The following PDGFC variants were observed in gnomAD, a reference collection of about 807,000 sequenced individuals.
PDGFC encodes the protein platelet derived growth factor C.
Under a neutral mutation model 35.5 loss-of-function variants are expected in PDGFC, and 12 were observed. The ratio of observed to expected loss-of-function variants is 0.34; its 90% confidence interval spans 0.22 to 0.55. The LOEUF is 0.55. Ranked by LOEUF, PDGFC falls within the 20% of genes least tolerant of loss-of-function variation. The pLI is 0.91. For synonymous variants in PDGFC, 159 were observed against 148.8 expected, an observed-to-expected ratio of 1.07 and a Z score of -0.50; for missense variants, 322 against 412.4, an observed-to-expected ratio of 0.78 and a Z score of 1.90.
chr4:156,877,317 G>A (rs1225255876), intron 1 of PDGFC, among the ~76,000 whole-genome samples: 2 of 151,956 alleles, frequency 1.3e-5, no homozygotes, highest in Non-Finnish European at 2.9e-5. Flanking sequence ...ACTGTCAATT[G>A]TAATCACCTT....
intron 1 of PDGFC, among the ~76,000 whole-genome samples, chr4:156,850,801 T>C (rs1445510180): frequency 6.9e-6 from 1 of 144,710 alleles, no homozygotes; most frequent in East Asian, 2.0e-4. Context: ...TTTTAAAAAA[T>C]ACAAATAATG....
intron 3 of PDGFC, among the ~76,000 whole-genome samples, chr4:156,781,900 T>C (rs985667678): frequency 1.3e-5 from 2 of 152,196 alleles, no homozygotes; most frequent in African/African-American, 4.8e-5. Context: ...CACATTTTTA[T>C]TATATATTTA....
At chr4:156,819,289 T>A (rs1055165236) in intron 2 of PDGFC, among the ~76,000 whole-genome samples, 3 of 137,952 alleles carry the variant, frequency 2.2e-5, no homozygotes, top group African/African-American at 8.1e-5. Context: ...AACAGTCTTC[T>A]ATTGGAAGAA....
chr4:156,810,211 AT>A (rs1731894166), intron 3 of PDGFC, among the ~76,000 whole-genome samples: 1 of 151,844 alleles, frequency 6.6e-6, no homozygotes, highest in Non-Finnish European at 1.5e-5. Context: ...AAATTTAAAA[AT>A]ATTAAAGTAT....
chr4:156,812,587 G>C (rs772286483), intron 2 of PDGFC, among the ~76,000 whole-genome samples: 1 of 151,850 alleles, frequency 6.6e-6, no homozygotes, highest in African/African-American at 2.4e-5. Context: ...TACATTTTAC[G>C]TAACATTAAA....
chr4:156,885,183 A>G (rs929571958), intron 1 of PDGFC, among the ~76,000 whole-genome samples: 2 of 151,584 alleles, frequency 1.3e-5, no homozygotes, highest in Non-Finnish European at 2.9e-5. Flanking sequence ...ACACACACAC[A>G]CTTTACCTAA....
At chr4:156,828,599 C>T (rs185027226) in intron 2 of PDGFC, among the ~76,000 whole-genome samples, 15 of 152,042 alleles carry the variant, frequency 9.9e-5, no homozygotes, top group Admixed American at 9.8e-4. Context: ...TGTGTGTATA[C>T]ATATGTATAT....
At chr4:156,954,400 C>G (rs1732155295) in intron 1 of PDGFC, among the ~76,000 whole-genome samples, 1 of 151,814 alleles carries the variant, frequency 6.6e-6, no homozygotes, top group African/African-American at 2.4e-5. Context: ...TTGTCAATCT[C>G]AAAACCTCAA....
intron 2 of PDGFC, among the ~76,000 whole-genome samples, chr4:156,816,513 T>C (rs1451595482): frequency 6.6e-6 from 1 of 152,162 alleles, no homozygotes; most frequent in Admixed American, 6.5e-5. Flanking sequence ...GTGATTCCTA[T>C]GTGACAGACA....
intron 1 of PDGFC, among the ~76,000 whole-genome samples, chr4:156,945,091 C>A (rs1731906106): frequency 6.6e-6 from 1 of 151,762 alleles, no homozygotes; most frequent in Non-Finnish European, 1.5e-5. Context: ...CAGCACTGAC[C>A]ATTTTCTATC....
At chr4:156,796,329 C>T (rs1191088991) in intron 3 of PDGFC, among the ~76,000 whole-genome samples, 2 of 151,580 alleles carry the variant, frequency 1.3e-5, no homozygotes, top group African/African-American at 4.8e-5. Flanking sequence ...TTTAGTACCC[C>T]CATAGTGTTT....
intron 1 of PDGFC, among the ~76,000 whole-genome samples, chr4:156,853,357 T>C (rs1729498640): frequency 6.6e-6 from 1 of 152,174 alleles, no homozygotes; most frequent in Non-Finnish European, 1.5e-5. Context: ...TGACTAAGGT[T>C]AAAGGACAAC....
intron 4 of PDGFC, 114 bp downstream of exon 4, chr4:156,772,572 G>T: frequency 1.6e-6 from 1 of 632,340 alleles, no homozygotes; most frequent in Non-Finnish European, 2.8e-6. Flanking sequence ...AAAATGTATT[G>T]AATATATCAC....
At chr4:156,951,886 G>T (rs1023110787) in intron 1 of PDGFC, among the ~76,000 whole-genome samples, 12 of 151,692 alleles carry the variant, frequency 7.9e-5, no homozygotes, top group Admixed American at 7.2e-4. Context: ...AATTTTAGAA[G>T]TAAAGAAAGT....
At chr4:156,785,377 CTTTGTAT>C (rs1173029754) in intron 3 of PDGFC, among the ~76,000 whole-genome samples, 2 of 152,026 alleles carry the variant, frequency 1.3e-5, no homozygotes, top group Non-Finnish European at 2.9e-5. Flanking sequence ...AATTTTTGCA[CTTTGTAT>C]TTTGTATTTT....
intron 1 of PDGFC, chr4:156,861,487 T>A: frequency 8.1e-7 from 1 of 1,229,886 alleles, no homozygotes; most frequent in South Asian, 1.3e-5. Context: ...ATATAGTTCC[T>A]ACCTGCCAGT....
intron 5 of PDGFC, among the ~76,000 whole-genome samples, chr4:156,764,874 A>G (rs1192725564): frequency 6.6e-6 from 1 of 152,156 alleles, no homozygotes; most frequent in Non-Finnish European, 1.5e-5. Context: ...ATAAATTGCA[A>G]TATTGGCATA....
At position 156,884,992 on chromosome 4, in the gene PDGFC, T is replaced by C. The variant is rs73856776; in HGVS notation, c.119-34576A>G. Among the ~76,000 whole-genome samples the C allele has an allele frequency of 7.8e-3, 1,182 of 152,300 alleles. 9 individuals are homozygous for C. The highest frequency in any genetic ancestry group is 0.027 in the African/African-American group (1,108 of 41,564). On this transcript the variant is annotated intron_variant, in intron 1 of 5. Coordinates refer to ENST00000502773, the MANE Select transcript of PDGFC (RefSeq NM_016205.3). The stretch of plus-strand genomic sequence containing the variant: ...AATATAAACTCAATTATTACATAGG[T>C]AAATTCCCTACTTTTGCCCTTTAGC...
intron 2 of PDGFC, among the ~76,000 whole-genome samples, chr4:156,837,212 T>C (rs564856916): frequency 6.6e-6 from 1 of 152,304 alleles, no homozygotes; most frequent in South Asian, 2.1e-4. Flanking sequence ...AGTACTTTAT[T>C]TTTAATAATT....
Sources: gnomAD v4.1 joint callset for allele counts (sites outside exome capture counted in the v4.1 genomes callset) on GRCh38, gnomAD v4.1.1 for gene constraint, MANE v1.5 for transcripts, NCBI Gene and HGNC (gene_info 2026-07-23, HGNC 2026-07-21) for gene names.